CELF2: variants seen among roughly 807,000 people sequenced by gnomAD.
The protein encoded by CELF2 is CUGBP Elav-like family member 2.
Under a neutral mutation model 62.6 loss-of-function variants are expected in CELF2, and 8 were observed. That is an observed-to-expected ratio of 0.13 (90% CI 0.07 to 0.23). CELF2 has a LOEUF of 0.23. Ranked by LOEUF, CELF2 falls within the 10% of genes least tolerant of loss-of-function variation. The pLI, the probability that CELF2 is intolerant of heterozygous loss-of-function variation, is 1.00. For missense variants in CELF2, 333 were observed against 671.0 expected, an observed-to-expected ratio of 0.50 and a Z score of 5.56; for synonymous variants, 258 against 250.0, an observed-to-expected ratio of 1.03 and a Z score of -0.30.
At chr10:10,553,965 T>G in the CELF2 span, among the ~76,000 whole-genome samples, 1 of 152,082 alleles carries the variant, frequency 6.6e-6, no homozygotes, top group African/African-American at 2.4e-5. Flanking sequence ...TGCAGCATGA[T>G]CATAGTGACA....
Position 11,314,029 on chromosome 10 carries a change from A to G in CELF2, c.977-110A>G. ...CACATGTCCTTCACCCAAAGCCACA[A>G]GCACAGCTCCTCAGCTCCGTCCACT... On this transcript the variant is annotated intron_variant, in intron 9 of 12. Coordinates refer to ENST00000633077, the MANE Select transcript of CELF2 (RefSeq NM_001326342.2). The surrounding 1 kb of genome is among the most constrained non-coding windows in gnomAD (Gnocchi z 5.3). 1.7e-6 allele frequency: 2 copies of G among 1,155,586 alleles called. No individual in the cohort carries two copies. The highest frequency in any genetic ancestry group is 2.5e-6 in the Non-Finnish European group (2 of 804,954). 71.6% of individuals were successfully genotyped at this position (1,155,586 alleles called of 1,614,324 possible).
intron 1 of CELF2, among the ~76,000 whole-genome samples, chr10:10,817,766 A>C (rs1003059186): frequency 6.6e-6 from 1 of 152,246 alleles, no homozygotes; most frequent in Non-Finnish European, 1.5e-5. Context: ...TATTGTAAAC[A>C]GTGTTGCAAC....
chr10:11,295,374 A>G (rs1230603424), intron 9 of CELF2, among the ~76,000 whole-genome samples: 1 of 152,214 alleles, frequency 6.6e-6, no homozygotes, highest in African/African-American at 2.4e-5. Context: ...CTGAATTCAC[A>G]CCATGGTAAA....
rs185772878 is a variant in CELF2, at chr10:11,255,524, C to T, written c.404-2214C>T. 2.0e-5 allele frequency among the ~76,000 whole-genome samples: 3 copies of T among 152,318 alleles called. No homozygotes were observed. Among genetic ancestry groups the T allele is most frequent in the Non-Finnish European group, 4.4e-5 (3 of 68,038 alleles). Reference sequence around the variant, plus strand: ...CGTCCAGCTTCAATTCCACATCCCCCAGCGAGCCTTTCTCAAACACCTGGG... The same window carrying T: ...CGTCCAGCTTCAATTCCACATCCCCTAGCGAGCCTTTCTCAAACACCTGGG... On this transcript the variant is annotated intron_variant, in intron 4 of 12. Coordinates refer to ENST00000633077, the MANE Select transcript of CELF2 (RefSeq NM_001326342.2). This position sits in a 1 kb window ranked among gnomAD's most constrained non-coding sequence, Gnocchi z 5.5.
chr10:10,814,205 G>A (rs2056215708), intron 1 of CELF2, among the ~76,000 whole-genome samples: 1 of 63,162 alleles, frequency 1.6e-5, no homozygotes, highest in Non-Finnish European at 2.9e-5. Flanking sequence ...GAAAGGGAAA[G>A]AAGAGTCCTA....
the CELF2 span, among the ~76,000 whole-genome samples, chr10:10,671,258 G>A: frequency 6.7e-6 from 1 of 149,946 alleles, no homozygotes; most frequent in Admixed American, 6.6e-5. Flanking sequence ...TCCTTCCATG[G>A]CTTGACAGCT....
intron 3 of CELF2, among the ~76,000 whole-genome samples, chr10:11,236,562 A>G (rs892337722): frequency 6.6e-6 from 1 of 152,236 alleles, no homozygotes; most frequent in Non-Finnish European, 1.5e-5. Context: ...CCAAACCTTA[A>G]AAAAGAAAGT....
chr10:10,561,200 A>C, the CELF2 span, among the ~76,000 whole-genome samples: 1 of 152,198 alleles, frequency 6.6e-6, no homozygotes, highest in Non-Finnish European at 1.5e-5. Context: ...TCTATTGGAA[A>C]AAAAAAGAAT....
chr10:10,901,892 C>G (rs2062963376), intron 1 of CELF2, among the ~76,000 whole-genome samples: 1 of 152,090 alleles, frequency 6.6e-6, no homozygotes, highest in African/African-American at 2.4e-5. Flanking sequence ...AGAAAAGAAG[C>G]AACCCATTTT....
At chr10:10,978,898 C>A (rs572127515) in intron 2 of CELF2, among the ~76,000 whole-genome samples, 7 of 152,296 alleles carry the variant, frequency 4.6e-5, no homozygotes, top group Non-Finnish European at 1.0e-4. Flanking sequence ...ATATCCCATG[C>A]CTTTTTGGAA....
intron 2 of CELF2, among the ~76,000 whole-genome samples, chr10:11,176,837 T>A (rs576582816): frequency 6.6e-6 from 1 of 152,324 alleles, no homozygotes; most frequent in African/African-American, 2.4e-5. Context: ...CTTCATCCGC[T>A]TTTACATAGC....
At chr10:10,797,368 T>A (rs1266251904), upstream of CELF2, among the ~76,000 whole-genome samples, 1 of 151,630 alleles carries the variant, frequency 6.6e-6, no homozygotes, top group Non-Finnish European at 1.5e-5. Context: ...CTCTTAACAT[T>A]GCGTAAACTC....
intron 2 of CELF2, among the ~76,000 whole-genome samples, chr10:10,998,637 T>C (rs1235494910): frequency 6.6e-6 from 1 of 152,124 alleles, no homozygotes; most frequent in East Asian, 1.9e-4. Flanking sequence ...CTCAGTGAGG[T>C]GGGAGGTCAG....
At chr10:10,810,775 C>G (rs763483903) in intron 1 of CELF2, among the ~76,000 whole-genome samples, 2 of 152,154 alleles carry the variant, frequency 1.3e-5, no homozygotes, top group Admixed American at 1.3e-4. Context: ...GTCATGCCAA[C>G]AAGAAGTGGG....
intron 9 of CELF2, among the ~76,000 whole-genome samples, chr10:11,299,353 C>T (rs540516835): frequency 4.6e-5 from 7 of 152,208 alleles, no homozygotes; most frequent in Non-Finnish European, 1.0e-4. Flanking sequence ...CGTCCCTGGG[C>T]TGCGCCAGGT....
intron 1 of CELF2, among the ~76,000 whole-genome samples, chr10:10,802,980 C>T (rs1164443725): frequency 6.6e-6 from 1 of 152,158 alleles, no homozygotes. Flanking sequence ...GCCAGGTACT[C>T]AAACTGGAAA....
At chr10:10,619,722 A>G in the CELF2 span, among the ~76,000 whole-genome samples, 1 of 152,240 alleles carries the variant, frequency 6.6e-6, no homozygotes, top group Non-Finnish European at 1.5e-5. Context: ...AGTTGGTGCC[A>G]GAATCTTGAA....
intron 1 of CELF2, among the ~76,000 whole-genome samples, chr10:11,085,812 C>T (rs562069252): frequency 4.0e-4 from 61 of 152,268 alleles, no homozygotes; most frequent in Non-Finnish European, 7.1e-4. Context: ...GACTGCACCA[C>T]CATTTGAATC....
At chr10:11,081,686 G>A (rs747535996) in intron 1 of CELF2, among the ~76,000 whole-genome samples, 2 of 152,188 alleles carry the variant, frequency 1.3e-5, no homozygotes, top group African/African-American at 2.4e-5. Flanking sequence ...AAATTTGTAC[G>A]AGGAGATTTT....
Sources: allele counts gnomAD v4.1 joint callset (sites outside exome capture counted in the v4.1 genomes callset), GRCh38; gene constraint gnomAD v4.1.1; non-coding constraint Gnocchi (gnomAD v3.1); transcripts MANE v1.5; gene names NCBI Gene and HGNC (gene_info 2026-07-23, HGNC 2026-07-21).